The following C11orf16 variants were observed in gnomAD, a reference collection of about 807,000 sequenced individuals.
C11orf16 encodes uncharacterized protein C11orf16.
A neutral mutation model predicts 45.1 loss-of-function variants in C11orf16; 38 were observed. The ratio of observed to expected loss-of-function variants is 0.84; its 90% confidence interval spans 0.65 to 1.10. C11orf16 has a LOEUF of 1.10. C11orf16 is among the 50% of genes least tolerant of loss of function. The pLI is 0.00. For synonymous variants in C11orf16, 221 were observed against 222.0 expected, an observed-to-expected ratio of 1.00 and a Z score of 0.04; for missense variants, 583 against 569.5, an observed-to-expected ratio of 1.02 and a Z score of -0.24.
At position 8,926,022 on chromosome 11, in the gene C11orf16, C is replaced by T; in HGVS notation, c.645G>A (p.Leu215=). The T allele has an allele frequency of 6.2e-7, 1 of 1,614,152 alleles. No homozygotes were observed. The highest frequency in any genetic ancestry group is 1.7e-5 in the Admixed American group (1 of 60,038). The change falls in exon 5 of 7, where the codon CTG becomes CTA. Residue 215 remains leucine (L), a synonymous_variant. Coordinates refer to ENST00000326053, the MANE Select transcript of C11orf16 (RefSeq NM_020643.3). ...VPLGGVQSVS[L]TIWKKAVERL... ...TCTCCACAGCCTTCTTCCAGATGGT[C>T]AGGGACACCGACTGGACCCCACCTA...
At chr11:8,926,820 A>C in intron 4 of C11orf16, 120 bp downstream of exon 4, 1 of 710,958 alleles carries the variant, frequency 1.4e-6, no homozygotes, top group East Asian at 2.7e-5. Flanking sequence ...AAGGGGGAAA[A>C]ATTCTCTTCT....
chr11:8,932,164 T>A lies in C11orf16; in HGVS notation c.145A>T (p.Thr49Ser), dbSNP rs1052432544. The A allele has an allele frequency of 1.1e-5, 17 of 1,584,950 alleles. No homozygotes were observed. The highest frequency in any genetic ancestry group is 3.4e-4 in the Middle Eastern group (2 of 5,808). Residue 49 changes from threonine (T) to serine (S), a missense_variant, in exon 2 of 7, where the codon ACC (threonine) becomes TCC (serine). Coordinates refer to ENST00000326053, the MANE Select transcript of C11orf16 (RefSeq NM_020643.3). ...TACCTTGCAAGGGGCTTGTGCCCGG[T>A]GAGCCAGGGTGCTTGGAGGGCAAAG... ...YPFALQAPWLTGHKPLARHAS... is the reference protein window; with the variant it reads ...YPFALQAPWLSGHKPLARHAS...
intron 3 of C11orf16, 52 bp from the exon 4 acceptor site, chr11:8,927,226 G>C: frequency 6.8e-7 from 1 of 1,463,578 alleles, no homozygotes; most frequent in Non-Finnish European, 9.4e-7. Flanking sequence ...AAGTACAATA[G>C]GGAGCACCCA....
intron 2 of C11orf16, among the ~76,000 whole-genome samples, chr11:8,929,755 G>A (rs2064638366): frequency 6.6e-6 from 1 of 152,192 alleles, no homozygotes; most frequent in Non-Finnish European, 1.5e-5. Flanking sequence ...TGGTGGATTG[G>A]GAGTTGGTTC....
intron 5 of C11orf16, 35 bp downstream of exon 5, chr11:8,925,428 C>G (rs765968810): frequency 6.3e-7 from 1 of 1,584,836 alleles, no homozygotes; most frequent in South Asian, 1.1e-5. Context: ...GCCCCAGCCC[C>G]TGCCTTAGAA....
intron 2 of C11orf16, among the ~76,000 whole-genome samples, chr11:8,930,750 G>C (rs2064644586): frequency 6.6e-6 from 1 of 152,168 alleles, no homozygotes; most frequent in Non-Finnish European, 1.5e-5. Context: ...AATGCAAAGG[G>C]GGCCTGTCTG....
At chr11:8,932,043 C>T (rs879332053) in intron 2 of C11orf16, 99 bp downstream of exon 2, 8 of 1,302,364 alleles carry the variant, frequency 6.1e-6, no homozygotes, top group Non-Finnish European at 8.3e-6. Context: ...TCCACCTTCT[C>T]AGGAAGCAAG....
intron 5 of C11orf16, 26 bp from the exon 6 acceptor site, chr11:8,921,541 GT>G: frequency 6.3e-7 from 1 of 1,599,972 alleles, no homozygotes; most frequent in Non-Finnish European, 8.6e-7. Context: ...AATTACTTAG[GT>G]TGAATATGCC....
At chr11:8,928,710 A>C (rs1265315512) in intron 3 of C11orf16, among the ~76,000 whole-genome samples, 1 of 152,142 alleles carries the variant, frequency 6.6e-6, no homozygotes, top group Non-Finnish European at 1.5e-5. Context: ...TGTGTTGCCC[A>C]GGCTGGTCTT....
At chr11:8,923,129 C>T (rs573227039) in intron 5 of C11orf16, among the ~76,000 whole-genome samples, 1 of 152,274 alleles carries the variant, frequency 6.6e-6, no homozygotes, top group Non-Finnish European at 1.5e-5. Flanking sequence ...GAGTGGATCT[C>T]TTTAAATGTG....
At chr11:8,925,388 A>G in intron 5 of C11orf16, 75 bp downstream of exon 5, 1 of 1,347,174 alleles carries the variant, frequency 7.4e-7, no homozygotes, top group Non-Finnish European at 1.0e-6. Flanking sequence ...TCAAATTCCT[A>G]AGGGACATGT....
At position 8,925,986 on chromosome 11, in the gene C11orf16, C is replaced by T. The variant is rs753919732; in HGVS notation, c.681G>A (p.Lys227=). 2.5e-6 allele frequency: 4 copies of T among 1,614,098 alleles called. No homozygotes were observed. The highest frequency in any genetic ancestry group is 2.7e-5 in the African/African-American group (2 of 75,062). Residue 227 remains lysine (K), a synonymous_variant, in exon 5 of 7, where the codon AAG becomes AAA. Transcript: ENST00000326053. ...IWKKAVERLH[K]SFTREHPRPL... ...GCCTGGGGTGCTCCCTGGTGAAAGACTTGTGCAGCCTCTCCACAGCCTTCT... is the reference window on the plus strand; with the variant it reads ...GCCTGGGGTGCTCCCTGGTGAAAGATTTGTGCAGCCTCTCCACAGCCTTCT...
In C11orf16 at chr11:8,926,819, A is replaced by G. The variant is rs541961398; in HGVS notation, c.559+121T>C. The G allele has an allele frequency of 2.1e-4, 152 of 708,654 alleles. 1 individual carries two copies. The South Asian group carries it at 2.8e-3, about 13-fold the overall frequency. 43.9% of individuals were successfully genotyped at this position (708,654 alleles called of 1,614,324 possible). A position where few individuals can be genotyped will look rare whatever the true frequency, so the allele number is the denominator to read the frequency against. The stretch of plus-strand genomic sequence containing the variant: ...AGATTAAGCAGCAAGCAAGGGGGAA[A>G]AATTCTCTTCTTAATGCCTTAGAAA... On this transcript the variant is annotated intron_variant, in intron 4 of 6. Transcript: ENST00000326053.
intron 2 of C11orf16, 77 bp from the exon 3 acceptor site, chr11:8,929,610 C>T: frequency 7.5e-7 from 1 of 1,337,898 alleles, no homozygotes; most frequent in Non-Finnish European, 1.0e-6. Context: ...TTCGCAGGTA[C>T]ATCTGAGGTA....
In C11orf16 at chr11:8,925,853, CATG is replaced by C. The variant is rs1404779306; in HGVS notation, c.811_813del (p.His271del). 6.2e-7 allele frequency: 1 copy of C among 1,614,208 alleles called. No individual in the cohort carries two copies. Among genetic ancestry groups the C allele is most frequent in the South Asian group, 1.1e-5 (1 of 91,086 alleles). On this transcript the variant is annotated inframe_deletion, in exon 5 of 7. Transcript: ENST00000326053. ...CCCTGGCACAGTAGCTGGCAGCAGG[CATG>C]ATGGTGGCAGAGAGGGCACAGGAAT...
chr11:8,921,440 G>T lies in C11orf16; in HGVS notation c.1280C>A (p.Thr427Asn). The T allele has an allele frequency of 6.2e-7, 1 of 1,614,202 alleles. No individual in the cohort carries two copies. Among genetic ancestry groups the T allele is most frequent in the Non-Finnish European group, 8.5e-7 (1 of 1,180,018 alleles). ...TGCTTTCGAGACCAGCTCCTTGGTA[G>T]TCCCCACTACTGCAGTTTGTGCTCT... ...QQRAQTAVVG[T>N]TKELVSKATH... is the part of the protein sequence containing the mutation. The change falls in exon 6 of 7, where the codon ACT becomes AAT. Residue 427 changes from threonine to asparagine, a missense_variant. Physicochemically the swap from Thr to Asn is moderately conservative, Grantham distance 65. Coordinates refer to ENST00000326053, the MANE Select transcript of C11orf16 (RefSeq NM_020643.3).
In C11orf16 at chr11:8,925,698, C is replaced by A; in HGVS notation, c.969G>T (p.Glu323Asp). 6.2e-7 allele frequency: 1 copy of A among 1,614,272 alleles called. No individual in the cohort carries two copies. The highest frequency in any genetic ancestry group is 8.5e-7 in the Non-Finnish European group (1 of 1,180,048). ...AQLLPLEGPK[E>D]EKVAMHAPLA... ...GGGGAGCGTGCATTGCTACTTTCTCCTCTTTAGGACCTTCCAGGGGCAAAA... is the reference window on the plus strand; with the variant it reads ...GGGGAGCGTGCATTGCTACTTTCTCATCTTTAGGACCTTCCAGGGGCAAAA... Residue 323 changes from glutamate (E) to aspartate (D), a missense_variant, in exon 5 of 7, where the codon GAG (glutamate) becomes GAT (aspartate). Glu to Asp is a conservative substitution (Grantham distance 45, BLOSUM62 2). Coordinates refer to ENST00000326053, the MANE Select transcript of C11orf16 (RefSeq NM_020643.3).
At chr11:8,927,437 T>C (rs1183117607) in intron 3 of C11orf16, 6 of 519,962 alleles carry the variant, frequency 1.2e-5, no homozygotes, top group Admixed American at 3.0e-5. Flanking sequence ...TGCCTTTCCA[T>C]TCCCTTCCTT....
At position 8,925,563 on chromosome 11, in the gene C11orf16, A is replaced by T. The variant is rs1431443463; in HGVS notation, c.1104T>A (p.Asp368Glu). The T allele has an allele frequency of 6.2e-7, 1 of 1,614,196 alleles. No individual in the cohort carries two copies. Among genetic ancestry groups the T allele is most frequent in the Admixed American group, 1.7e-5 (1 of 60,034 alleles). The change falls in exon 5 of 7, where the codon GAT becomes GAA. Residue 368 changes from aspartate (D) to glutamate (E), a missense_variant. By Grantham distance (45) the Asp-to-Glu change is conservative. Transcript: ENST00000326053. ...RLMVNSAVNT[D>E]PIFLEMPLRQ... is the part of the protein sequence containing the mutation. ...TCAGAGGCATCTCAAGAAAGATGGG[A>T]TCTGTGTTGACTGCACTGTTCACCA...
Sources: gnomAD v4.1 joint callset for allele counts (sites outside exome capture counted in the v4.1 genomes callset) on GRCh38, gnomAD v4.1.1 for gene constraint, MANE v1.5 for transcripts, NCBI Gene and HGNC (gene_info 2026-07-23, HGNC 2026-07-21) for gene names.